The following EPHA7 variants were observed in gnomAD, a reference collection of about 807,000 sequenced individuals.
EPHA7 encodes EPH receptor A7.
Under a neutral mutation model 112.6 loss-of-function variants are expected in EPHA7, and 25 were observed. The ratio of observed to expected loss-of-function variants is 0.22; its 90% CI spans 0.16 to 0.31. EPHA7 has a LOEUF of 0.31. EPHA7 is among the 10% of genes least tolerant of loss of function. The pLI is 1.00. For missense variants in EPHA7, 962 were observed against 1,212.6 expected, an observed-to-expected ratio of 0.79 and a Z score of 3.07; for synonymous variants, 437 against 406.5, an observed-to-expected ratio of 1.07 and a Z score of -0.90.
intron 3 of EPHA7, among the ~76,000 whole-genome samples, chr6:93,375,166 A>T (rs188429442): frequency 2.4e-4 from 37 of 152,246 alleles, no homozygotes; most frequent in Middle Eastern, 3.4e-3. Context: ...TCTGTTATTG[A>T]TCTCCATAAA....
At chr6:93,397,519 A>G (rs1778238054) in intron 3 of EPHA7, among the ~76,000 whole-genome samples, 1 of 151,964 alleles carries the variant, frequency 6.6e-6, no homozygotes, top group South Asian at 2.1e-4. Flanking sequence ...TTTTAAGAAT[A>G]AAGAAAAATA....
chr6:93,349,191 T>C (rs2127934456), intron 5 of EPHA7, among the ~76,000 whole-genome samples: 1 of 151,972 alleles, frequency 6.6e-6, no homozygotes, highest in East Asian at 1.9e-4. Context: ...ATCATCCTTT[T>C]TGTATGTTTT....
At chr6:93,258,823 T>C (rs1452054812) in intron 10 of EPHA7, among the ~76,000 whole-genome samples, 4 of 151,334 alleles carry the variant, frequency 2.6e-5, no homozygotes, top group Non-Finnish European at 1.5e-5. Flanking sequence ...ATGCACTATG[T>C]CTACTGGATT....
intron 6 of EPHA7, among the ~76,000 whole-genome samples, chr6:93,271,624 T>A (rs895222865): frequency 6.6e-6 from 1 of 151,824 alleles, no homozygotes; most frequent in African/African-American, 2.4e-5. Flanking sequence ...ATAAATATAC[T>A]CATATACTCA....
intron 3 of EPHA7, among the ~76,000 whole-genome samples, chr6:93,386,024 C>G (rs1316545590): frequency 6.6e-6 from 1 of 152,056 alleles, no homozygotes; most frequent in Non-Finnish European, 1.5e-5. Flanking sequence ...GGGACTGCTC[C>G]CAACACATAG....
In EPHA7 at chr6:93,240,711, T is replaced by C. The variant is rs961724593; in HGVS notation, c.*2715A>G. 5.6e-5 allele frequency: 12 copies of C among 213,772 alleles called. No homozygotes were observed. Among genetic ancestry groups the C allele is most frequent in the African/African-American group, 2.7e-4 (12 of 44,236 alleles). The allele number at this position is 213,772 out of a possible 1,614,324, so 13.2% of individuals were successfully genotyped here. ...TTGGAATTCTATTTTTGACGTTCAC[T>C]TTCTCTACTTTTCCTCCCCTGAGCA... is the stretch of plus-strand genomic sequence containing the variant. On this transcript the variant is annotated 3_prime_UTR_variant, in exon 17 of 17. Coordinates refer to ENST00000369303, the MANE Select transcript of EPHA7 (RefSeq NM_004440.4).
At chr6:93,289,209 A>C (rs1158193145) in intron 5 of EPHA7, among the ~76,000 whole-genome samples, 1 of 152,178 alleles carries the variant, frequency 6.6e-6, no homozygotes, top group African/African-American at 2.4e-5. Context: ...TAGTGCTTGC[A>C]ATGTATATTG....
intron 5 of EPHA7, among the ~76,000 whole-genome samples, chr6:93,275,691 T>G (rs1237608745): frequency 6.6e-6 from 1 of 151,896 alleles, no homozygotes; most frequent in Non-Finnish European, 1.5e-5. Context: ...ATAAATTTGA[T>G]GAAAGAGTAA....
intron 3 of EPHA7, among the ~76,000 whole-genome samples, chr6:93,404,659 A>AGG (rs1778606757): frequency 6.7e-6 from 1 of 149,740 alleles, no homozygotes; most frequent in South Asian, 2.1e-4. Flanking sequence ...AGAGAGAGGG[A>AGG]GAGAGAGAGA....
chr6:93,286,022 G>T (rs1772044255), intron 5 of EPHA7, among the ~76,000 whole-genome samples: 1 of 152,132 alleles, frequency 6.6e-6, no homozygotes, highest in African/African-American at 2.4e-5. Flanking sequence ...TGGCCTGCAG[G>T]ATGTGAAATA....
Position 93,379,943 on chromosome 6 carries a change from T to G in EPHA7, c.833-21532A>C, listed in dbSNP as rs566314080. Among the ~76,000 whole-genome samples, 191 of 152,188 alleles carry G rather than the reference T, an allele frequency of 1.3e-3. No individual in the cohort carries two copies. In the Middle Eastern group the frequency reaches 0.017, roughly 14 times the overall value. ...GAGTTAGAATCAATATATTTCCCAG[T>G]ATCAATCTGCTCAAAAACAAGTTTA... is the stretch of plus-strand genomic sequence containing the variant. On this transcript the variant is annotated intron_variant, in intron 3 of 16. Coordinates refer to ENST00000369303, the MANE Select transcript of EPHA7 (RefSeq NM_004440.4).
At chr6:93,285,670 T>A (rs1772025312) in intron 5 of EPHA7, among the ~76,000 whole-genome samples, 1 of 151,974 alleles carries the variant, frequency 6.6e-6, no homozygotes, top group African/African-American at 2.4e-5. Flanking sequence ...CTCCCCATAT[T>A]CTGATATCTC....
rs1293676685 is a variant in EPHA7, at chr6:93,247,331, T to G, written c.2533-346A>C. On this transcript the variant is annotated intron_variant, in intron 14 of 16. Transcript: ENST00000369303. Reference sequence around the variant, plus strand: ...GTATATCTTTGTGAGTATCCATATGTGCCCATACATTTAATAATTCTGCAA... The same window carrying G: ...GTATATCTTTGTGAGTATCCATATGGGCCCATACATTTAATAATTCTGCAA... 2.6e-5 allele frequency among the ~76,000 whole-genome samples: 4 copies of G among 152,218 alleles called. No homozygotes were observed. In the East Asian group the frequency reaches 7.7e-4, roughly 29 times the overall value.
chr6:93,401,521 G>A (rs1056320344), intron 3 of EPHA7, among the ~76,000 whole-genome samples: 1 of 151,652 alleles, frequency 6.6e-6, no homozygotes, highest in Admixed American at 6.6e-5. Flanking sequence ...TGTAACACGG[G>A]TAGAAAACAA....
Position 93,242,219 on chromosome 6 carries a change from C to T in EPHA7, c.*1207G>A, listed in dbSNP as rs1769718834. 5.1e-6 allele frequency: 1 copy of T among 196,864 alleles called. No homozygotes were observed. The highest frequency in any genetic ancestry group is 2.3e-5 in the African/African-American group (1 of 43,302). The allele number at this position is 196,864 out of a possible 1,614,324, so 12.2% of individuals were successfully genotyped here. On this transcript the variant is annotated 3_prime_UTR_variant, in exon 17 of 17. Coordinates refer to ENST00000369303, the MANE Select transcript of EPHA7 (RefSeq NM_004440.4). ...TAGGGTAAAGAGTCCTTTCATTTAA[C>T]AAGTTTCTTGCATCAGTGTTCACAA...
intron 5 of EPHA7, among the ~76,000 whole-genome samples, chr6:93,326,150 T>A (rs1008233519): frequency 6.6e-6 from 1 of 151,366 alleles, no homozygotes; most frequent in South Asian, 2.1e-4. Flanking sequence ...GCCGTGGTAA[T>A]AGTGGGAAGT....
chr6:93,257,107 A>G (rs1770474948), intron 12 of EPHA7, among the ~76,000 whole-genome samples: 1 of 152,130 alleles, frequency 6.6e-6, no homozygotes, highest in Non-Finnish European at 1.5e-5. Context: ...TAGTGTCAAC[A>G]CAGAATGGTT....
chr6:93,303,282 T>G (rs889983943), intron 5 of EPHA7, among the ~76,000 whole-genome samples: 2 of 152,172 alleles, frequency 1.3e-5, no homozygotes, highest in Non-Finnish European at 2.9e-5. Flanking sequence ...TGTTAAGCAC[T>G]TCTCACTACA....
At position 93,330,511 on chromosome 6, in the gene EPHA7, A is replaced by C. The variant is rs75288489; in HGVS notation, c.1324+26206T>G. 1.5e-3 allele frequency among the ~76,000 whole-genome samples: 223 copies of C among 151,372 alleles called. 1 individual carries two copies. The highest frequency in any genetic ancestry group is 0.01 in the Middle Eastern group (3 of 294). Reference sequence around the variant, plus strand: ...TTCTATTAAAGATTTTAGCCCTTACATATAAGTGAGAACATGTAGTAGTAT... The same window carrying C: ...TTCTATTAAAGATTTTAGCCCTTACCTATAAGTGAGAACATGTAGTAGTAT... On this transcript the variant is annotated intron_variant, in intron 5 of 16. Coordinates refer to ENST00000369303, the MANE Select transcript of EPHA7 (RefSeq NM_004440.4).
Sources: allele counts gnomAD v4.1 joint callset (sites outside exome capture counted in the v4.1 genomes callset), GRCh38; gene constraint gnomAD v4.1.1; transcripts MANE v1.5; gene names NCBI Gene and HGNC (gene_info 2026-07-23, HGNC 2026-07-21).